FMNL1: variants seen among roughly 807,000 people sequenced by gnomAD.
FMNL1 encodes the protein formin-like protein 1.
A neutral mutation model predicts 121.3 loss-of-function variants in FMNL1; 43 were observed. The observed-to-expected ratio is 0.35, with a 90% CI of 0.28 to 0.46. The LOEUF is 0.46. FMNL1 is among the 20% of genes least tolerant of loss of function. The probability of loss-of-function intolerance (pLI) is 1.00; values close to 1 mark genes in which losing one functional copy is unlikely to be tolerated. For missense variants in FMNL1, 1,191 were observed against 1,482.4 expected, an observed-to-expected ratio of 0.80 and a Z score of 3.23; for synonymous variants, 613 against 613.5, an observed-to-expected ratio of 1.00 and a Z score of 0.01.
intron 17 of FMNL1, 24 bp from the exon 18 acceptor site, chr17:45,243,767 T>A (rs2043762402): frequency 6.3e-7 from 1 of 1,596,410 alleles, no homozygotes; most frequent in Admixed American, 1.7e-5. Context: ...TGATGCCCAA[T>A]CTCCCCTCTC....
In FMNL1 at chr17:45,221,951, C is replaced by T. The variant is rs997472900; in HGVS notation, c.-174C>T. 6.1e-5 allele frequency: 24 copies of T among 393,390 alleles called. No homozygotes were observed. The highest frequency in any genetic ancestry group is 4.9e-4 in the African/African-American group (23 of 46,870). 24.4% of individuals were successfully genotyped at this position (393,390 alleles called of 1,614,324 possible). On this transcript the variant is annotated 5_prime_UTR_variant, in exon 1 of 27. Coordinates refer to ENST00000331495, the MANE Select transcript of FMNL1 (RefSeq NM_005892.4). ...GGACGGGGCCGCCCCGATGGGACGC[C>T]GCGCTCCGGCCCCTGCGCGCCGCTG...
Position 45,222,035 on chromosome 17 carries a change from C to T in FMNL1, c.-90C>T, listed in dbSNP as rs2043235929. ...GCCACCGCCAGCCGCTGCCCCCTCG[C>T]CCCCGCCCGGGCCGGGAGCCTCGTC... On this transcript the variant is annotated 5_prime_UTR_variant, in exon 1 of 27. Coordinates refer to ENST00000331495, the MANE Select transcript of FMNL1 (RefSeq NM_005892.4). 1.9e-5 allele frequency: 20 copies of T among 1,047,388 alleles called. No individual in the cohort carries two copies. The highest frequency in any genetic ancestry group is 5.0e-5 in the Admixed American group (1 of 20,140). 64.9% of individuals were successfully genotyped at this position (1,047,388 alleles called of 1,614,324 possible).
intron 1 of FMNL1, among the ~76,000 whole-genome samples, chr17:45,227,987 A>G (rs1431843303): frequency 2.0e-5 from 3 of 151,946 alleles, no homozygotes; most frequent in African/African-American, 4.8e-5. Flanking sequence ...GCCCACCTGG[A>G]CTGCCAGCCC....
chr17:45,232,809 G>GTA (rs1162533677), intron 3 of FMNL1: 1 of 575,248 alleles, frequency 1.7e-6, no homozygotes, highest in East Asian at 3.8e-5. Flanking sequence ...ATGTGTGTGT[G>GTA]TACCATTGAG....
chr17:45,227,346 T>G (rs1598180308), intron 1 of FMNL1, among the ~76,000 whole-genome samples: 1 of 147,778 alleles, frequency 6.8e-6, no homozygotes, highest in Non-Finnish European at 1.5e-5. Context: ...GTGGGGGAGG[T>G]GGGGGAAGGG....
chr17:45,242,323 C>T lies in FMNL1; in HGVS notation c.1886-18C>T, dbSNP rs917399162. 2.5e-6 allele frequency: 4 copies of T among 1,612,784 alleles called. No homozygotes were observed. In the African/African-American group the frequency reaches 4.0e-5, roughly 16 times the overall value. ...AGTACCCCCAGTGCTCACCACTGCC[C>T]CCAAACCCCCGTCCCAGGAGTGAAG... is the stretch of plus-strand genomic sequence containing the variant. On this transcript the variant is annotated intron_variant, in intron 15 of 26. Coordinates refer to ENST00000331495, the MANE Select transcript of FMNL1 (RefSeq NM_005892.4).
intron 1 of FMNL1, among the ~76,000 whole-genome samples, chr17:45,224,204 C>T (rs1287179426): frequency 1.3e-5 from 2 of 152,164 alleles, no homozygotes; most frequent in South Asian, 4.1e-4. Flanking sequence ...AGGTTAAACC[C>T]AATCTAAGGA....
Position 45,221,907 on chromosome 17 carries a change from G to A in FMNL1, c.-218G>A. ...CCTGACTTCCTCCCCCAACCCTGCA[G>A]CTCGCCGCCCGGTCCCACGGACGGG... On this transcript the variant is annotated 5_prime_UTR_variant, in exon 1 of 27. Transcript: ENST00000331495. 6.0e-6 allele frequency: 2 copies of A among 335,578 alleles called. No homozygotes were observed. Among genetic ancestry groups the A allele is most frequent in the East Asian group, 4.5e-5 (1 of 22,110 alleles). The allele number at this position is 335,578 out of a possible 1,614,324, so 20.8% of individuals were successfully genotyped here. A position where few individuals can be genotyped will look rare whatever the true frequency, so the allele number is the denominator to read the frequency against.
rs575952558 is a variant in FMNL1 at position 45,231,252 on chromosome 17, TG to T, written c.213+568del. Among the ~76,000 whole-genome samples, 385 of 152,252 alleles carry T rather than the reference TG, an allele frequency of 2.5e-3. 2 individuals are homozygous for T. Among genetic ancestry groups the T allele is most frequent in the African/African-American group, 8.3e-3 (345 of 41,558 alleles). On this transcript the variant is annotated intron_variant, in intron 2 of 26. Transcript: ENST00000331495. The surrounding 1 kb of genome is among the most constrained non-coding windows in gnomAD (Gnocchi z 4.7). ...CAGCTTCAAGGGCTGCGGTCGGCCA[TG>T]GGCCGACCCTCTCCCAGCGCTGGGC...
chr17:45,245,619 G>A lies in FMNL1; in HGVS notation c.2893-13G>A, dbSNP rs554688999. On this transcript the variant is annotated splice_polypyrimidine_tract_variant and intron_variant, in intron 22 of 26. Transcript: ENST00000331495. ...GAGGTCTAAGCTGGGGGGCTGACAG[G>A]CTGTGCCCACAGGAGGCCTTTGAGT... 6.2e-7 allele frequency: 1 copy of A among 1,613,854 alleles called. No individual in the cohort carries two copies. Among genetic ancestry groups the A allele is most frequent in the Non-Finnish European group, 8.5e-7 (1 of 1,179,732 alleles).
Position 45,247,109 on chromosome 17 carries a change from C to T in FMNL1, c.*251C>T. On this transcript the variant is annotated 3_prime_UTR_variant, in exon 27 of 27. Coordinates refer to ENST00000331495, the MANE Select transcript of FMNL1 (RefSeq NM_005892.4). ...GCCTCAAACGGGCTGGTGCATCCTC[C>T]TCTTGGCCACAGAGGGCAGCATCGC... is the stretch of plus-strand genomic sequence containing the variant. 1.7e-6 allele frequency: 1 copy of T among 597,372 alleles called. No homozygotes were observed. Among genetic ancestry groups the T allele is most frequent in the Non-Finnish European group, 3.0e-6 (1 of 331,264 alleles). 37.0% of individuals were successfully genotyped at this position (597,372 alleles called of 1,614,324 possible). A position where few individuals can be genotyped will look rare whatever the true frequency, so the allele number is the denominator to read the frequency against.
chr17:45,235,014 T>G (rs2043522065), intron 6 of FMNL1, among the ~76,000 whole-genome samples: 1 of 152,256 alleles, frequency 6.6e-6, no homozygotes, highest in African/African-American at 2.4e-5. Context: ...AGGCAGTAGA[T>G]GGACCCTAGA....
At chr17:45,238,755 G>A in intron 10 of FMNL1, 117 bp downstream of exon 10, 1 of 1,336,808 alleles carries the variant, frequency 7.5e-7, no homozygotes. Flanking sequence ...TAAGGACTGA[G>A]TGGTCAGTAG....
intron 16 of FMNL1, among the ~76,000 whole-genome samples, 171 bp downstream of exon 16, chr17:45,242,636 A>T (rs1291100786): frequency 1.3e-5 from 2 of 152,176 alleles, no homozygotes; most frequent in Non-Finnish European, 2.9e-5. Flanking sequence ...TAACAGGCAG[A>T]ATCCTGCTTT....
At chr17:45,236,030 C>T (rs537215312) in intron 6 of FMNL1, 106 bp from the exon 7 acceptor site, 15 of 861,038 alleles carry the variant, frequency 1.7e-5, no homozygotes, top group East Asian at 1.1e-4. Flanking sequence ...GATGTGGTGC[C>T]GTCAGGTTCC....
In FMNL1 at chr17:45,233,385, G is replaced by T; in HGVS notation, c.401+88G>T. The T allele has an allele frequency of 7.3e-7, 1 of 1,372,898 alleles. No individual in the cohort carries two copies. The highest frequency in any genetic ancestry group is 1.4e-5 in the African/African-American group (1 of 69,166). The allele number at this position is 1,372,898 out of a possible 1,614,324, so 85.0% of individuals were successfully genotyped here. A position where few individuals can be genotyped will look rare whatever the true frequency, so the allele number is the denominator to read the frequency against. ...GGAGCTTCCCCTTCCTACTCCCCCT[G>T]CCCCCTGCACAAGGCTGTGCTTGTG... is the stretch of plus-strand genomic sequence containing the variant. On this transcript the variant is annotated intron_variant, in intron 4 of 26. Coordinates refer to ENST00000331495, the MANE Select transcript of FMNL1 (RefSeq NM_005892.4). This position sits in a 1 kb window ranked among gnomAD's most constrained non-coding sequence, Gnocchi z 4.1.
rs956860312 is a variant in FMNL1 at position 45,246,551 on chromosome 17, C to T, written c.3258C>T (p.Ser1086=). 4 of 1,613,410 alleles carry T rather than the reference C, an allele frequency of 2.5e-6. No individual in the cohort carries two copies. Among genetic ancestry groups the T allele is most frequent in the Non-Finnish European group, 3.4e-6 (4 of 1,179,370 alleles). The change falls in exon 26 of 27, where the codon TCC becomes TCT. Residue 1086 remains serine (S), a synonymous_variant. Transcript: ENST00000331495. ...PFTARTGKRT[S]RLLCEASLGE... is the part of the protein sequence containing the mutation. ...CGGCCCGCACCGGCAAGCGGACATC[C>T]CGGCTCCTCTGTGAGGCCAGCCTGG...
At position 45,237,237 on chromosome 17, in the gene FMNL1, T is replaced by TG. The variant is rs753423557; in HGVS notation, c.724-38dup. 3.4e-5 allele frequency: 54 copies of TG among 1,601,986 alleles called. No homozygotes were observed. In the East Asian group the frequency reaches 4.9e-4, roughly 15 times the overall value. ...CACGTGGCGTGGGTGCCTGAAGTCC[T>TG]GGGGGGCCCTTCCTGGAGACACTGA... On this transcript the variant is annotated intron_variant, in intron 7 of 26. Transcript: ENST00000331495. The surrounding 1 kb of genome is among the most constrained non-coding windows in gnomAD (Gnocchi z 4.4).
At position 45,247,085 on chromosome 17, in the gene FMNL1, C is replaced by A; in HGVS notation, c.*227C>A. 1.6e-6 allele frequency: 1 copy of A among 612,808 alleles called. No homozygotes were observed. Among genetic ancestry groups the A allele is most frequent in the Non-Finnish European group, 3.0e-6 (1 of 336,998 alleles). 38.0% of individuals were successfully genotyped at this position (612,808 alleles called of 1,614,324 possible). A position where few individuals can be genotyped will look rare whatever the true frequency, so the allele number is the denominator to read the frequency against. On this transcript the variant is annotated 3_prime_UTR_variant, in exon 27 of 27. Transcript: ENST00000331495. ...GCAGCCCCTCCTCCGCTGTGGCCCG[C>A]CTCAAACGGGCTGGTGCATCCTCCT...
Sources: gnomAD v4.1 joint callset for allele counts (sites outside exome capture counted in the v4.1 genomes callset) on GRCh38, gnomAD v4.1.1 for gene constraint, Gnocchi (gnomAD v3.1) non-coding constraint, MANE v1.5 for transcripts, NCBI Gene and HGNC (gene_info 2026-07-23, HGNC 2026-07-21) for gene names.